The following CRYBG1 variants were observed in gnomAD, a reference collection of about 807,000 sequenced individuals.
CRYBG1 encodes crystallin beta-gamma domain containing 1, also known as beta/gamma crystallin domain-containing protein 1.
Under a neutral mutation model 189.2 loss-of-function variants are expected in CRYBG1, and 139 were observed. The ratio of observed to expected loss-of-function variants is 0.73; its 90% CI spans 0.64 to 0.85. The LOEUF (loss-of-function observed/expected upper bound fraction) is 0.85, where lower values mean the gene tolerates loss of function less well. Among genes scored for constraint, CRYBG1 ranks in the 40% least tolerant of loss-of-function variants. The pLI is 0.00. For missense variants in CRYBG1, 2,611 were observed against 2,675.8 expected (o/e 0.98, Z 0.53); for synonymous variants, 1,023 against 1,017.1 (o/e 1.01, Z -0.11).
chr6:106,367,036 T>G (rs917976500), intron 1 of CRYBG1, among the ~76,000 whole-genome samples: 2 of 152,212 alleles, frequency 1.3e-5, no homozygotes, highest in Non-Finnish European at 2.9e-5. Context: ...TATATCTCAC[T>G]GAGGAAGCCA....
chr6:106,561,061 A>C (rs1026881891), intron 19 of CRYBG1, 135 bp downstream of exon 19: 1 of 1,044,306 alleles, frequency 9.6e-7, no homozygotes, highest in Non-Finnish European at 1.4e-6. Flanking sequence ...CCCTGCCCCA[A>C]TAATCTGGGC....
In CRYBG1 at chr6:106,560,881, A is replaced by AT; in HGVS notation, c.5936dup (p.Ser1980GlnfsTer54). ...CTGCAGAAGTACCTAATTGGTATGAATTCAGTGGCTGTCGCCAAATAGGTT... is the reference window on the plus strand; with the variant it reads ...CTGCAGAAGTACCTAATTGGTATGAATTTCAGTGGCTGTCGCCAAATAGGTT... On this transcript the variant is annotated frameshift_variant, in exon 19 of 22. Coordinates refer to ENST00000633556, the MANE Select transcript of CRYBG1 (RefSeq NM_001371242.2). LOFTEE classifies it high-confidence loss of function. The AT allele has an allele frequency of 6.2e-7, 1 of 1,612,896 alleles. No individual in the cohort carries two copies. The highest frequency in any genetic ancestry group is 8.5e-7 in the Non-Finnish European group (1 of 1,179,506).
chr6:106,395,612 C>A (rs1028748285), intron 1 of CRYBG1, among the ~76,000 whole-genome samples: 1 of 151,826 alleles, frequency 6.6e-6, no homozygotes, highest in Admixed American at 6.6e-5. Flanking sequence ...ATGATTTCTA[C>A]TTGGACCATG....
At chr6:106,504,640 CGTGTGTGTGT>C (rs1562092434) in intron 2 of CRYBG1, among the ~76,000 whole-genome samples, 1 of 151,068 alleles carries the variant, frequency 6.6e-6, no homozygotes, top group African/African-American at 2.4e-5. Context: ...TTTTGCTGTG[CGTGTGTGTGT>C]TTGTGTGTGT....
chr6:106,566,705 T>G (rs1774899031), intron 21 of CRYBG1, among the ~76,000 whole-genome samples: 7 of 152,038 alleles, frequency 4.6e-5, no homozygotes, highest in Admixed American at 3.9e-4. Flanking sequence ...TGGTGCCATC[T>G]TGTGGACATG....
intron 1 of CRYBG1, among the ~76,000 whole-genome samples, chr6:106,441,198 G>C (rs1233324916): frequency 6.6e-6 from 1 of 152,168 alleles, no homozygotes; most frequent in Non-Finnish European, 1.5e-5. Flanking sequence ...AAACAAATCT[G>C]TCTGACCACA....
At chr6:106,406,248 C>T (rs566969080) in intron 1 of CRYBG1, among the ~76,000 whole-genome samples, 32 of 151,794 alleles carry the variant, frequency 2.1e-4, no homozygotes, top group African/African-American at 7.0e-4. Context: ...TATAAATAGC[C>T]GAATCGATCA....
At chr6:106,469,806 A>G (rs1175082883) in intron 2 of CRYBG1, among the ~76,000 whole-genome samples, 3 of 152,242 alleles carry the variant, frequency 2.0e-5, no homozygotes, top group Non-Finnish European at 2.9e-5. Flanking sequence ...TATCTTACAT[A>G]ACAGAAAGTC....
chr6:106,474,257 T>C (rs1772292363), intron 2 of CRYBG1, among the ~76,000 whole-genome samples: 1 of 152,210 alleles, frequency 6.6e-6, no homozygotes, highest in Non-Finnish European at 1.5e-5. Flanking sequence ...GATGGGAGGA[T>C]GGCTTGAAGC....
At chr6:106,488,297 G>A (rs1772635962) in intron 2 of CRYBG1, among the ~76,000 whole-genome samples, 1 of 152,184 alleles carries the variant, frequency 6.6e-6, no homozygotes, top group Non-Finnish European at 1.5e-5. Context: ...AGGCAGCTGA[G>A]TGGGCATTCT....
At chr6:106,451,949 TC>T in intron 2 of CRYBG1, 117 bp downstream of exon 2, 1 of 594,742 alleles carries the variant, frequency 1.7e-6, no homozygotes, top group Non-Finnish European at 2.4e-6. Flanking sequence ...ATATTGTATA[TC>T]ATAAATTATA....
chr6:106,521,588 T>C (rs1357974322), intron 4 of CRYBG1, 135 bp downstream of exon 4: 2 of 1,064,126 alleles, frequency 1.9e-6, no homozygotes, highest in East Asian at 5.0e-5. Flanking sequence ...CATCACATAT[T>C]TGAAAACCTG....
intron 2 of CRYBG1, among the ~76,000 whole-genome samples, chr6:106,470,178 G>A (rs1031887577): frequency 6.6e-6 from 1 of 152,178 alleles, no homozygotes; most frequent in African/African-American, 2.4e-5. Flanking sequence ...AATTCTCAGA[G>A]CCAGGTGTGG....
chr6:106,445,303 A>G (rs1371165918), intron 1 of CRYBG1, among the ~76,000 whole-genome samples: 1 of 152,166 alleles, frequency 6.6e-6, no homozygotes, highest in Non-Finnish European at 1.5e-5. Context: ...AGAATTTAAA[A>G]TTAGTCTCTG....
rs780844961 is a variant in CRYBG1, at chr6:106,571,988, A to G, written c.*3422A>G. The G allele has an allele frequency of 6.2e-7, 1 of 1,604,196 alleles. No individual in the cohort carries two copies. Among genetic ancestry groups the G allele is most frequent in the South Asian group, 1.1e-5 (1 of 90,692 alleles). On this transcript the variant is annotated 3_prime_UTR_variant, in exon 22 of 22. Transcript: ENST00000633556. ...AGAACGTCAACAATCACTAAACTGC[A>G]TTTTTATTTAAACAACATTAATTAC...
rs61741114 is a variant in CRYBG1 at position 106,543,486 on chromosome 6, T to C, written c.4928T>C (p.Leu1643Pro). The C allele has an allele frequency of 0.052, 84,650 of 1,613,930 alleles. 2,603 individuals are homozygous for C. Among genetic ancestry groups the C allele is most frequent in the Non-Finnish European group, 0.063 (74,215 of 1,179,834 alleles). ...KPFFEGKCVE[L>P]ETGMCSFVME... ...TTCTTTGAAGGAAAATGTGTGGAAC[T>C]AGAAACAGGAATGTGTAGTTTTGTC... Residue 1643 changes from leucine (L) to proline (P), a missense_variant, in exon 11 of 22, where the codon CTA (leucine) becomes CCA (proline). Transcript: ENST00000633556.
intron 2 of CRYBG1, among the ~76,000 whole-genome samples, chr6:106,495,711 A>G (rs1772832842): frequency 6.6e-6 from 1 of 151,242 alleles, no homozygotes; most frequent in Middle Eastern, 3.4e-3. Flanking sequence ...AGCTACTCTC[A>G]TTGAATATAT....
At chr6:106,556,035 T>C (rs1176262137) in intron 17 of CRYBG1, 138 bp downstream of exon 17, 9 of 970,942 alleles carry the variant, frequency 9.3e-6, no homozygotes, top group Non-Finnish European at 1.4e-5. Flanking sequence ...TTTGGCTCTG[T>C]GTACATCTAG....
At chr6:106,521,548 TA>T (rs1773612435) in intron 4 of CRYBG1, 95 bp downstream of exon 4, 16 of 1,320,596 alleles carry the variant, frequency 1.2e-5, no homozygotes, top group Non-Finnish European at 1.6e-5. Context: ...TAGAAATGGT[TA>T]AGCTTATGTG....
Sources: allele counts gnomAD v4.1 joint callset (sites outside exome capture counted in the v4.1 genomes callset), GRCh38; gene constraint gnomAD v4.1.1; transcripts MANE v1.5; gene names NCBI Gene and HGNC (gene_info 2026-07-23, HGNC 2026-07-21).